Variants in FSTL5 observed in about 807,000 individuals in gnomAD.
FSTL5 encodes the protein follistatin like 5, also known as follistatin-related protein 5.
Under a neutral mutation model 89.1 loss-of-function variants are expected in FSTL5, and 62 were observed. The observed-to-expected ratio is 0.70, with a 90% confidence interval of 0.57 to 0.86. FSTL5 has a LOEUF of 0.86. FSTL5 is among the 40% of genes least tolerant of loss of function. The probability of loss-of-function intolerance (pLI) is 0.00; values close to 1 mark genes in which losing one functional copy is unlikely to be tolerated. For missense variants in FSTL5, 1,057 were observed against 1,001.6 expected (o/e 1.06, Z -0.75); for synonymous variants, 383 against 346.2 (o/e 1.11, Z -1.18).
rs903468054 is a variant in FSTL5, at chr4:161,519,481, G to A, written c.1313-9057C>T. On this transcript the variant is annotated intron_variant, in intron 10 of 15. Transcript: ENST00000306100. ...GTGGAGCTTGCAGTGAGCCGAGATC[G>A]CTCCACTGCACTCCAGCCTGGGCGA... Among the ~76,000 whole-genome samples, 18 of 152,130 alleles carry A rather than the reference G, an allele frequency of 1.2e-4. No individual in the cohort carries two copies. The East Asian group carries it at 1.6e-3, about 13-fold the overall frequency.
chr4:162,112,278 T>A (rs1731474646), intron 1 of FSTL5, among the ~76,000 whole-genome samples: 1 of 152,200 alleles, frequency 6.6e-6, no homozygotes, highest in Non-Finnish European at 1.5e-5. Context: ...CTATGCTGTA[T>A]TTTGGGTCTG....
chr4:162,045,178 A>G (rs1431502108), intron 2 of FSTL5, among the ~76,000 whole-genome samples: 1 of 152,172 alleles, frequency 6.6e-6, no homozygotes, highest in Admixed American at 6.6e-5. Flanking sequence ...ATTTAAAGTG[A>G]GAGACATACA....
At chr4:161,707,761 G>A (rs919499229) in intron 6 of FSTL5, among the ~76,000 whole-genome samples, 1 of 151,790 alleles carries the variant, frequency 6.6e-6, no homozygotes, top group Admixed American at 6.6e-5. Flanking sequence ...TTTTAATGGT[G>A]ATACACAATA....
intron 8 of FSTL5, among the ~76,000 whole-genome samples, chr4:161,560,050 AT>A (rs59070841): frequency 2.0e-5 from 3 of 150,638 alleles, no homozygotes; most frequent in South Asian, 2.1e-4. Flanking sequence ...TCTTGGTGTG[AT>A]TTTTTTTTCT....
At chr4:161,898,003 C>T (rs1396544704) in intron 4 of FSTL5, among the ~76,000 whole-genome samples, 1 of 151,008 alleles carries the variant, frequency 6.6e-6, no homozygotes, top group African/African-American at 2.4e-5. Context: ...TGGCTTATTT[C>T]ACTTAGCAAT....
At chr4:161,814,254 C>T (rs359143) in intron 4 of FSTL5, among the ~76,000 whole-genome samples, 3 of 151,966 alleles carry the variant, frequency 2.0e-5, no homozygotes, top group African/African-American at 7.2e-5. Flanking sequence ...ATGAAAGTCT[C>T]ATTAAACAAT....
intron 15 of FSTL5, among the ~76,000 whole-genome samples, chr4:161,389,402 A>G (rs1040582815): frequency 2.0e-5 from 3 of 152,120 alleles, no homozygotes; most frequent in African/African-American, 7.2e-5. Flanking sequence ...CTTTGGTGAA[A>G]AGAGTTATAG....
At chr4:161,453,046 CACAGAATTACAAAT>C in intron 15 of FSTL5, among the ~76,000 whole-genome samples, 1 of 152,224 alleles carries the variant, frequency 6.6e-6, no homozygotes, top group African/African-American at 2.4e-5. Context: ...TATCTACAAA[CACAGAATTACAAAT>C]AGCACTTACT....
intron 1 of FSTL5, among the ~76,000 whole-genome samples, chr4:162,154,511 T>A (rs1733390211): frequency 6.6e-6 from 1 of 152,158 alleles, no homozygotes; most frequent in South Asian, 2.1e-4. Flanking sequence ...TAAAAGAGCA[T>A]AAATATAATG....
chr4:161,689,896 T>A (rs1737871327), intron 6 of FSTL5, among the ~76,000 whole-genome samples: 1 of 152,176 alleles, frequency 6.6e-6, no homozygotes, highest in Admixed American at 6.5e-5. Context: ...AAAGAAATCA[T>A]CCAATATATG....
At chr4:162,139,861 G>A (rs1732658246) in intron 1 of FSTL5, among the ~76,000 whole-genome samples, 2 of 152,064 alleles carry the variant, frequency 1.3e-5, no homozygotes, top group Non-Finnish European at 1.5e-5. Flanking sequence ...CATGAAGAGA[G>A]TAAAAAGACA....
At chr4:161,511,961 T>C (rs953460484) in intron 10 of FSTL5, among the ~76,000 whole-genome samples, 3 of 151,854 alleles carry the variant, frequency 2.0e-5, no homozygotes, top group African/African-American at 4.8e-5. Flanking sequence ...ATTCCATACA[T>C]GAGGAAAAAA....
intron 2 of FSTL5, among the ~76,000 whole-genome samples, chr4:162,071,070 C>A (rs868797532): frequency 6.6e-5 from 10 of 151,490 alleles, no homozygotes; most frequent in Middle Eastern, 3.2e-3. Context: ...AAGAGAGAAA[C>A]AAAGGCTGTA....
intron 3 of FSTL5, among the ~76,000 whole-genome samples, chr4:161,953,154 A>T (rs2110958348): frequency 6.6e-6 from 1 of 151,772 alleles, no homozygotes; most frequent in Admixed American, 6.6e-5. Flanking sequence ...GGTCCTTCAG[A>T]GCATATTTTT....
At chr4:161,506,375 T>C (rs1203617574) in intron 11 of FSTL5, among the ~76,000 whole-genome samples, 1 of 152,118 alleles carries the variant, frequency 6.6e-6, no homozygotes, top group Non-Finnish European at 1.5e-5. Context: ...ATCCTGACCT[T>C]TTTCATTTTA....
chr4:161,431,072 T>A (rs982855728), intron 15 of FSTL5, among the ~76,000 whole-genome samples: 6 of 152,146 alleles, frequency 3.9e-5, no homozygotes, highest in African/African-American at 1.4e-4. Context: ...AGTTATCTGA[T>A]CTGAAATGAA....
At chr4:162,115,139 C>T (rs1372320059) in intron 1 of FSTL5, among the ~76,000 whole-genome samples, 4 of 152,070 alleles carry the variant, frequency 2.6e-5, no homozygotes, top group Non-Finnish European at 5.9e-5. Context: ...AGAGAAAGAA[C>T]AAAACCTAGT....
At chr4:161,897,174 T>C (rs949753174) in intron 4 of FSTL5, among the ~76,000 whole-genome samples, 1 of 151,768 alleles carries the variant, frequency 6.6e-6, no homozygotes, top group African/African-American at 2.4e-5. Flanking sequence ...GATCATACTG[T>C]TCATGAAATA....
intron 3 of FSTL5, among the ~76,000 whole-genome samples, chr4:161,995,419 T>C (rs1736259383): frequency 6.6e-6 from 1 of 152,132 alleles, no homozygotes; most frequent in Non-Finnish European, 1.5e-5. Context: ...ACGTAAGAGC[T>C]TGTGCTTGGC....
Sources: allele counts gnomAD v4.1 joint callset (sites outside exome capture counted in the v4.1 genomes callset), GRCh38; gene constraint gnomAD v4.1.1; transcripts MANE v1.5; gene names NCBI Gene and HGNC (gene_info 2026-07-23, HGNC 2026-07-21).